Variants in IL1RL2 observed in about 807,000 individuals in gnomAD.
The protein encoded by IL1RL2 is interleukin-1 receptor-like 2.
Under a neutral mutation model 66.8 loss-of-function variants are expected in IL1RL2, and 68 were observed. The ratio of observed to expected loss-of-function variants is 1.02; its 90% confidence interval spans 0.84 to 1.25. IL1RL2 has a LOEUF of 1.25. IL1RL2 is among the 50% of genes most tolerant of loss of function. The probability of loss-of-function intolerance (pLI) is 0.00; values close to 1 mark genes in which losing one functional copy is unlikely to be tolerated. For missense variants in IL1RL2, 729 were observed against 709.3 expected, an observed-to-expected ratio of 1.03 and a Z score of -0.32; for synonymous variants, 305 against 264.6, an observed-to-expected ratio of 1.15 and a Z score of -1.48.
intron 11 of IL1RL2, among the ~76,000 whole-genome samples, chr2:102,237,620 C>G (rs1674995305): frequency 6.6e-6 from 1 of 152,206 alleles, no homozygotes; most frequent in Non-Finnish European, 1.5e-5. Flanking sequence ...AATAACGACT[C>G]TCATGTTGGA....
chr2:102,206,520 T>C (rs1269568561), intron 5 of IL1RL2, among the ~76,000 whole-genome samples: 1 of 152,212 alleles, frequency 6.6e-6, no homozygotes, highest in East Asian at 1.9e-4. Flanking sequence ...GGACAATATC[T>C]GGGAGAATTC....
rs375991257 is a variant in IL1RL2, at chr2:102,191,952, T to A, written c.321T>A (p.His107Gln). The A allele has an allele frequency of 2.5e-6, 4 of 1,612,566 alleles. No individual in the cohort carries two copies. The highest frequency in any genetic ancestry group is 1.7e-5 in the Admixed American group (1 of 59,746). ...GTAGAGACAGCTGTCATAGAATACA[T>A]GTAAACCTAACTGTTTTTGAAAAAC... ...IKGRDSCHRI[H>Q]VNLTVFEKHW... The change falls in exon 4 of 12, where the codon CAT (histidine) becomes CAA (glutamine). Residue 107 changes from histidine (H) to glutamine (Q), a missense_variant. Transcript: ENST00000264257.
At chr2:102,187,298 G>C in intron 1 of IL1RL2, 1 of 1,175,544 alleles carries the variant, frequency 8.5e-7, no homozygotes, top group Non-Finnish European at 1.1e-6. Context: ...TTCAGCTCCA[G>C]CGGCTCCCTG....
At chr2:102,191,370 T>C (rs935599361) in intron 3 of IL1RL2, among the ~76,000 whole-genome samples, 11 of 152,232 alleles carry the variant, frequency 7.2e-5, no homozygotes, top group African/African-American at 2.4e-4. Flanking sequence ...ATCTATATTC[T>C]AATCTTATCA....
At position 102,239,448 on chromosome 2, in the gene IL1RL2, G is replaced by T; in HGVS notation, c.*207G>T. The T allele has an allele frequency of 1.9e-6, 1 of 514,736 alleles. No individual in the cohort carries two copies. The highest frequency in any genetic ancestry group is 3.6e-6 in the Non-Finnish European group (1 of 279,134). 31.9% of individuals were successfully genotyped at this position (514,736 alleles called of 1,614,324 possible). On this transcript the variant is annotated 3_prime_UTR_variant, in exon 12 of 12. Coordinates refer to ENST00000264257, the MANE Select transcript of IL1RL2 (RefSeq NM_003854.4). ...GGTGAGAGCTGGGGCCATCCCCGTGGTCATGGAGGGTGAGAGCTGGGGGTT... is the reference window on the plus strand; with the variant it reads ...GGTGAGAGCTGGGGCCATCCCCGTGTTCATGGAGGGTGAGAGCTGGGGGTT...
At chr2:102,188,836 G>A (rs967497098) in intron 2 of IL1RL2, among the ~76,000 whole-genome samples, 3 of 152,038 alleles carry the variant, frequency 2.0e-5, no homozygotes, top group Non-Finnish European at 2.9e-5. Flanking sequence ...AATCACTCCC[G>A]ATGGGGAGGT....
intron 3 of IL1RL2, among the ~76,000 whole-genome samples, chr2:102,190,831 T>G (rs1415014397): frequency 3.9e-5 from 6 of 152,184 alleles, no homozygotes; most frequent in Non-Finnish European, 8.8e-5. Context: ...ATCTGGGAGC[T>G]GTGAAATGAG....
At chr2:102,209,680 G>A (rs577734689) in intron 5 of IL1RL2, among the ~76,000 whole-genome samples, 6 of 152,258 alleles carry the variant, frequency 3.9e-5, no homozygotes, top group East Asian at 3.9e-4. Context: ...GCCCTGGGAC[G>A]GTGCAAATGC....
intron 5 of IL1RL2, among the ~76,000 whole-genome samples, chr2:102,204,085 C>A (rs1688497472): frequency 6.6e-6 from 1 of 151,860 alleles, no homozygotes; most frequent in African/African-American, 2.4e-5. Context: ...TGTTGTGTTT[C>A]CATTATTTGT....
chr2:102,225,940 T>C lies in IL1RL2; in HGVS notation c.1034T>C (p.Leu345Ser). Residue 345 changes from leucine to serine, a missense_variant, in exon 9 of 12, where the codon TTG becomes TCG. Coordinates refer to ENST00000264257, the MANE Select transcript of IL1RL2 (RefSeq NM_003854.4). ...TACTTGATAGGAGGGCTTATCGCCT[T>C]GGTGGCTGTGGCTGTGTCTGTTGTG... ...RAYLIGGLIALVAVAVSVVYI... is the reference protein window; with the variant it reads ...RAYLIGGLIASVAVAVSVVYI... 6.2e-7 allele frequency: 1 copy of C among 1,607,868 alleles called. No homozygotes were observed. Among genetic ancestry groups the C allele is most frequent in the Non-Finnish European group, 8.5e-7 (1 of 1,176,694 alleles).
intron 11 of IL1RL2, among the ~76,000 whole-genome samples, chr2:102,238,865 A>G (rs1034263126): frequency 6.6e-6 from 1 of 152,150 alleles, no homozygotes; most frequent in Non-Finnish European, 1.5e-5. Flanking sequence ...GCTGTTCACT[A>G]ATACAATTCC....
chr2:102,205,748 C>T (rs1449405534), intron 5 of IL1RL2, among the ~76,000 whole-genome samples: 1 of 152,036 alleles, frequency 6.6e-6, no homozygotes, highest in Non-Finnish European at 1.5e-5. Context: ...GTTCTATAAC[C>T]TTCTTGTATT....
At chr2:102,211,981 G>T in intron 5 of IL1RL2, 119 bp from the exon 6 acceptor site, 1 of 593,586 alleles carries the variant, frequency 1.7e-6, no homozygotes. Flanking sequence ...TATGGAGTGA[G>T]ATTTTGACCA....
chr2:102,189,274 A>G lies in IL1RL2; in HGVS notation c.257A>G (p.Glu86Gly). The change falls in exon 3 of 12, where the codon GAA becomes GGA. Residue 86 changes from glutamate (E) to glycine (G), a missense_variant. By Grantham distance (98) the Glu-to-Gly change is moderately conservative. Transcript: ENST00000264257. ...DETWILFLPM[E>G]WGDSGVYQCV... is the part of the protein sequence containing the mutation. ...ACTTGGATTTTGTTTCTCCCCATGG[A>G]ATGGGGGGACTCAGGAGTCTACCAA... is the stretch of plus-strand genomic sequence containing the variant. 1 of 1,611,554 alleles carries G rather than the reference A, an allele frequency of 6.2e-7. No individual in the cohort carries two copies. Among genetic ancestry groups the G allele is most frequent in the Non-Finnish European group, 8.5e-7 (1 of 1,178,020 alleles).
chr2:102,223,014 A>C lies in IL1RL2; in HGVS notation c.992-2884A>C, dbSNP rs1412974559. Among the ~76,000 whole-genome samples the C allele has an allele frequency of 7.2e-5, 11 of 152,366 alleles. No individual in the cohort carries two copies. The South Asian group carries it at 8.3e-4, about 11-fold the overall frequency. ...TGTGTTCCGAAGGATTCTGAGGCCA[A>C]GTCCAAGCTCAGAGGAGCTAATGCT... On this transcript the variant is annotated intron_variant, in intron 8 of 11. Transcript: ENST00000264257.
chr2:102,194,242 T>C (rs932249171), intron 4 of IL1RL2, among the ~76,000 whole-genome samples: 5 of 152,240 alleles, frequency 3.3e-5, no homozygotes, highest in Admixed American at 6.5e-5. Flanking sequence ...GTAGTGTTTA[T>C]GTCTAGCTTC....
intron 9 of IL1RL2, among the ~76,000 whole-genome samples, chr2:102,226,464 C>T (rs1214241631): frequency 1.3e-5 from 2 of 152,226 alleles, no homozygotes; most frequent in Non-Finnish European, 2.9e-5. Flanking sequence ...TTGGAGCTCT[C>T]TCTAGGCCCT....
At chr2:102,230,326 A>G (rs1691008953) in intron 9 of IL1RL2, among the ~76,000 whole-genome samples, 1 of 152,232 alleles carries the variant, frequency 6.6e-6, no homozygotes, top group African/African-American at 2.4e-5. Flanking sequence ...GAAATTTCAC[A>G]CAGAAAAGTA....
chr2:102,193,708 T>G (rs1558648), intron 4 of IL1RL2, among the ~76,000 whole-genome samples: 22,757 of 152,266 alleles, frequency 0.15, 1,894 homozygotes, highest in African/African-American at 0.21. Flanking sequence ...ATTATAAGCC[T>G]TTGATTTTTA....
Sources: allele counts gnomAD v4.1 joint callset (sites outside exome capture counted in the v4.1 genomes callset), GRCh38; gene constraint gnomAD v4.1.1; transcripts MANE v1.5; gene names NCBI Gene and HGNC (gene_info 2026-07-23, HGNC 2026-07-21).